The following SERP2 variants were observed in gnomAD, a reference collection of about 807,000 sequenced individuals.
The protein encoded by SERP2 is stress-associated endoplasmic reticulum protein 2.
A neutral mutation model predicts 9.1 loss-of-function variants in SERP2; 6 were observed. That is an observed-to-expected ratio of 0.66 (90% CI 0.36 to 1.30). The LOEUF (loss-of-function observed/expected upper bound fraction) is 1.30, where lower values mean the gene tolerates loss of function less well. SERP2 is among the 50% of genes most tolerant of loss of function. The probability of loss-of-function intolerance (pLI) is 0.03; values close to 1 mark genes in which losing one functional copy is unlikely to be tolerated. For synonymous variants in SERP2, 37 were observed against 27.3 expected (o/e 1.35, Z -1.10); for missense variants, 58 against 81.9 (o/e 0.71, Z 1.13).
At position 44,397,210 on chromosome 13, in the gene SERP2, T is replaced by C. The variant is rs571308098; in HGVS notation, c.158-62T>C. On this transcript the variant is annotated intron_variant, in intron 2 of 2. Coordinates refer to ENST00000379179, the MANE Select transcript of SERP2 (RefSeq NM_001010897.3). ...GGGTCTGCAGAAGCCGGGCTCACTG[T>C]GGGCTGGGTTTCCAGCTGTGTGCAG... 1.4e-5 allele frequency: 20 copies of C among 1,440,966 alleles called. No individual in the cohort carries two copies. In the African/African-American group the frequency reaches 2.5e-4, roughly 18 times the overall value. 89.3% of individuals were successfully genotyped at this position (1,440,966 alleles called of 1,614,324 possible). A position where few individuals can be genotyped will look rare whatever the true frequency, so the allele number is the denominator to read the frequency against.
Position 44,373,938 on chromosome 13 carries a change from G to A in SERP2, c.-88G>A. On this transcript the variant is annotated 5_prime_UTR_variant, in exon 1 of 3. Transcript: ENST00000379179. The surrounding 1 kb of genome is among the most constrained non-coding windows in gnomAD (Gnocchi z 4.8). The stretch of plus-strand genomic sequence containing the variant: ...CCTGCAGCGCCCGGGTGGGCCGCGG[G>A]GGCCTCGGCGGGACGCGCTCGGCCC... 7.9e-7 allele frequency: 1 copy of A among 1,264,054 alleles called. No homozygotes were observed. Among genetic ancestry groups the A allele is most frequent in the South Asian group, 1.3e-5 (1 of 75,984 alleles). 78.3% of individuals were successfully genotyped at this position (1,264,054 alleles called of 1,614,324 possible). A position where few individuals can be genotyped will look rare whatever the true frequency, so the allele number is the denominator to read the frequency against.
intron 1 of SERP2, among the ~76,000 whole-genome samples, chr13:44,378,206 C>A (rs1192533992): frequency 1.3e-5 from 2 of 152,176 alleles, no homozygotes; most frequent in East Asian, 3.8e-4. Flanking sequence ...TACAACACAT[C>A]ATAGATTTTA....
At chr13:44,376,503 G>T (rs913935409) in intron 1 of SERP2, among the ~76,000 whole-genome samples, 3 of 152,172 alleles carry the variant, frequency 2.0e-5, no homozygotes, top group Admixed American at 1.3e-4. Flanking sequence ...GGGCGTGGTG[G>T]CTCAGCACTT....
At chr13:44,393,154 T>C (rs535974516) in intron 2 of SERP2, among the ~76,000 whole-genome samples, 2 of 152,148 alleles carry the variant, frequency 1.3e-5, no homozygotes, top group East Asian at 3.9e-4. Context: ...GCAAAAGATA[T>C]TCAATGGAGG....
chr13:44,378,106 G>C (rs539696072), intron 1 of SERP2, among the ~76,000 whole-genome samples: 28 of 152,284 alleles, frequency 1.8e-4, no homozygotes, highest in African/African-American at 6.7e-4. Context: ...CTAAAGAACT[G>C]TTGCCTTATC....
At chr13:44,396,065 G>C in intron 2 of SERP2, 1 of 238,054 alleles carries the variant, frequency 4.2e-6, no homozygotes. Flanking sequence ...AAATATGTTG[G>C]TATCTCCAAT....
At chr13:44,381,271 G>A (rs1261731109) in intron 2 of SERP2, among the ~76,000 whole-genome samples, 1 of 149,794 alleles carries the variant, frequency 6.7e-6, no homozygotes, top group South Asian at 2.1e-4. Context: ...GCCAGGCGCA[G>A]TGGCTCACGC....
intron 2 of SERP2, among the ~76,000 whole-genome samples, chr13:44,381,590 T>A (rs1353409179): frequency 1.3e-5 from 2 of 152,242 alleles, no homozygotes; most frequent in African/African-American, 4.8e-5. Context: ...CTAGAAGCAG[T>A]GTGACCACCA....
intron 2 of SERP2, among the ~76,000 whole-genome samples, chr13:44,395,327 G>A (rs545165344): frequency 3.3e-5 from 5 of 151,054 alleles, no homozygotes; most frequent in African/African-American, 7.3e-5. Flanking sequence ...ACCCAAGGCC[G>A]GGCACGGTGG....
chr13:44,377,513 A>T (rs375066107), intron 1 of SERP2, among the ~76,000 whole-genome samples: 9 of 152,250 alleles, frequency 5.9e-5, no homozygotes, highest in Admixed American at 5.9e-4. Flanking sequence ...TGGCACAGTT[A>T]TCTTATGCAA....
chr13:44,394,993 C>G (rs553032499), intron 2 of SERP2, among the ~76,000 whole-genome samples: 11 of 152,368 alleles, frequency 7.2e-5, no homozygotes, highest in Admixed American at 2.6e-4. Flanking sequence ...TGTCCAGTCA[C>G]ACAGCTTTTC....
At chr13:44,375,339 C>T (rs1412822194) in intron 1 of SERP2, among the ~76,000 whole-genome samples, 1 of 152,018 alleles carries the variant, frequency 6.6e-6, no homozygotes, top group Non-Finnish European at 1.5e-5. Context: ...GAGCTTTATA[C>T]ACAAGTCTAA....
chr13:44,395,719 T>TA (rs1158723797), intron 2 of SERP2: 1 of 435,372 alleles, frequency 2.3e-6, no homozygotes, highest in Admixed American at 2.5e-5. Flanking sequence ...TCACCATATC[T>TA]ACAGATGAGT....
At chr13:44,388,205 G>C (rs1408651692) in intron 2 of SERP2, among the ~76,000 whole-genome samples, 2 of 151,684 alleles carry the variant, frequency 1.3e-5, no homozygotes, top group African/African-American at 2.4e-5. Context: ...AACAGCAGCT[G>C]TTCTGGTTGA....
intron 1 of SERP2, 45 bp downstream of exon 1, chr13:44,374,154 C>A (rs749181723): frequency 4.6e-5 from 7 of 152,216 alleles, no homozygotes; most frequent in South Asian, 9.7e-5. Flanking sequence ...TGCAGCCCGG[C>A]GGGGTGGGGC....
At chr13:44,390,305 A>ACCCCCC in intron 2 of SERP2, 1 of 80,458 alleles carries the variant, frequency 1.2e-5, no homozygotes, top group Non-Finnish European at 2.7e-5. Context: ...GTCCCCACCC[A>ACCCCCC]CCCGCCCTGG....
At chr13:44,390,296 T>TA in intron 2 of SERP2, 1 of 188,776 alleles carries the variant, frequency 5.3e-6, no homozygotes, top group Non-Finnish European at 1.1e-5. Context: ...GCCACCGGTG[T>TA]CCCCACCCAC....
At chr13:44,385,238 C>T (rs937862107) in intron 2 of SERP2, among the ~76,000 whole-genome samples, 1 of 152,214 alleles carries the variant, frequency 6.6e-6, no homozygotes, top group Non-Finnish European at 1.5e-5. Flanking sequence ...TCCTCCTCCT[C>T]TGCATGTGCC....
intron 1 of SERP2, among the ~76,000 whole-genome samples, chr13:44,378,084 G>T (rs990480043): frequency 1.3e-5 from 2 of 152,188 alleles, no homozygotes; most frequent in Non-Finnish European, 2.9e-5. Context: ...GGGCTCTTTG[G>T]TAAGCTGAAA....
Sources: allele counts gnomAD v4.1 joint callset (sites outside exome capture counted in the v4.1 genomes callset), GRCh38; gene constraint gnomAD v4.1.1; non-coding constraint Gnocchi (gnomAD v3.1); transcripts MANE v1.5; gene names NCBI Gene and HGNC (gene_info 2026-07-23, HGNC 2026-07-21).